PSMG2: variants seen among roughly 807,000 people sequenced by gnomAD.
The protein encoded by PSMG2 is proteasome assembly chaperone 2.
PSMG2 carries 21 observed loss-of-function variants against 31.5 expected under a neutral mutation model. The ratio of observed to expected loss-of-function variants is 0.67; its 90% CI spans 0.47 to 0.96. The LOEUF is 0.96. Among genes scored for constraint, PSMG2 ranks in the 40% least tolerant of loss-of-function variants. PSMG2 has a pLI of 0.00. For synonymous variants in PSMG2, 120 were observed against 110.4 expected (o/e 1.09, Z -0.54); for missense variants, 318 against 321.2 (o/e 0.99, Z 0.08).
chr18:12,670,761 C>G (rs1951526199), intron 1 of PSMG2: 1 of 151,784 alleles, frequency 6.6e-6, no homozygotes. Flanking sequence ...GATTCACCCA[C>G]CTCAGCCTCC....
chr18:12,685,010 CTCT>C (rs1261590168), intron 1 of PSMG2: 1 of 151,072 alleles, frequency 6.6e-6, no homozygotes, highest in Non-Finnish European at 1.5e-5. Flanking sequence ...CTGCCATTTT[CTCT>C]TTTTTTTTTA....
chr18:12,711,215 T>C (rs1417415441), intron 2 of PSMG2, among the ~76,000 whole-genome samples: 5 of 151,904 alleles, frequency 3.3e-5, no homozygotes, highest in African/African-American at 1.2e-4. Context: ...GAAGTTGGAG[T>C]GAGCCGATAT....
chr18:12,715,630 TGA>T (rs2040369370), intron 3 of PSMG2, among the ~76,000 whole-genome samples: 1 of 151,938 alleles, frequency 6.6e-6, no homozygotes, highest in Admixed American at 6.6e-5. Context: ...CTCAGCCTCC[TGA>T]GTAACTGGGA....
At chr18:12,678,479 A>C in intron 1 of PSMG2, 1 of 1,406,550 alleles carries the variant, frequency 7.1e-7, no homozygotes, top group East Asian at 2.5e-5. Flanking sequence ...TGAGAACTTA[A>C]AAATTAAAAA....
At chr18:12,702,493 A>T, upstream of PSMG2, 1 of 1,608,894 alleles carries the variant, frequency 6.2e-7, no homozygotes, top group Non-Finnish European at 8.5e-7. Flanking sequence ...CACCTTGCTC[A>T]GCTGCTGGTG....
At chr18:12,688,865 A>G (rs768068610) in intron 1 of PSMG2, among the ~76,000 whole-genome samples, 2 of 152,188 alleles carry the variant, frequency 1.3e-5, no homozygotes, top group Non-Finnish European at 2.9e-5. Context: ...CTATGATCCC[A>G]GCACTTTGGG....
upstream of PSMG2, among the ~76,000 whole-genome samples, chr18:12,701,988 G>A (rs1274625890): frequency 6.6e-6 from 1 of 152,110 alleles, no homozygotes; most frequent in East Asian, 1.9e-4. Flanking sequence ...TTAGCCGAGC[G>A]TGGTGGCGCG....
Position 12,718,021 on chromosome 18 carries a change from T to C in PSMG2, c.289-496T>C, listed in dbSNP as rs1487962994. ...TTTCTTTTTCTTTTTTCTTTTTTTT[T>C]TTTTTTTGAGAAAGTTTCACTCGGT... On this transcript the variant is annotated intron_variant, in intron 3 of 6. Transcript: ENST00000317615. Among the ~76,000 whole-genome samples the C allele has an allele frequency of 2.0e-5, 3 of 150,748 alleles. No homozygotes were observed. The East Asian group carries it at 5.8e-4, about 29-fold the overall frequency.
chr18:12,686,703 G>A, intron 1 of PSMG2: 1 of 308,172 alleles, frequency 3.2e-6, no homozygotes, highest in Non-Finnish European at 6.1e-6. Flanking sequence ...GCTCTGAGCT[G>A]TTTTACTCCA....
chr18:12,685,491 C>G (rs1012194676), intron 1 of PSMG2: 6 of 152,016 alleles, frequency 3.9e-5, no homozygotes, highest in Non-Finnish European at 8.8e-5. Context: ...AATAAAGATG[C>G]TGAGTTTTTT....
chr18:12,689,497 C>A (rs1424032046), intron 1 of PSMG2, among the ~76,000 whole-genome samples: 3 of 152,196 alleles, frequency 2.0e-5, no homozygotes, highest in Non-Finnish European at 4.4e-5. Context: ...GGCCACTTGA[C>A]AATCTTATAT....
At chr18:12,665,133 T>C (rs2038778209) in intron 1 of PSMG2, 1 of 152,232 alleles carries the variant, frequency 6.6e-6, no homozygotes, top group African/African-American at 2.4e-5. Context: ...CTCATTTCTC[T>C]TCCAAGGTGA....
chr18:12,696,955 A>C (rs1375588773), intron 1 of PSMG2, among the ~76,000 whole-genome samples: 1 of 152,208 alleles, frequency 6.6e-6, no homozygotes, highest in Non-Finnish European at 1.5e-5. Context: ...ATGAACTTGA[A>C]ATTAAAACCC....
intron 1 of PSMG2, among the ~76,000 whole-genome samples, chr18:12,677,227 T>G (rs1282165443): frequency 6.6e-6 from 1 of 151,908 alleles, no homozygotes; most frequent in Non-Finnish European, 1.5e-5. Context: ...CTGAGGCAGG[T>G]AGATCACTTC....
intron 1 of PSMG2, among the ~76,000 whole-genome samples, chr18:12,681,114 C>T (rs2145017796): frequency 6.6e-6 from 1 of 151,192 alleles, no homozygotes; most frequent in East Asian, 1.9e-4. Context: ...AAGAGAATCA[C>T]GTGAACTTGG....
chr18:12,697,500 C>T, intron 1 of PSMG2: 4 of 885,910 alleles, frequency 4.5e-6, no homozygotes, highest in Non-Finnish European at 3.3e-6. Context: ...AAATAATAAG[C>T]TTATATAAAA....
At chr18:12,691,305 A>G (rs1224485488) in intron 1 of PSMG2, 6 of 1,145,946 alleles carry the variant, frequency 5.2e-6, no homozygotes, top group Admixed American at 2.4e-5. Context: ...ATTTACACAC[A>G]TAACAGTAAA....
chr18:12,691,751 T>G (rs1268846145), intron 1 of PSMG2, among the ~76,000 whole-genome samples: 1 of 151,384 alleles, frequency 6.6e-6, no homozygotes, highest in Non-Finnish European at 1.5e-5. Context: ...AGTCTTGCTC[T>G]GTCGCCCAGG....
intron 4 of PSMG2, among the ~76,000 whole-genome samples, chr18:12,719,908 A>G (rs1224205098): frequency 6.7e-6 from 1 of 148,974 alleles, no homozygotes; most frequent in Non-Finnish European, 1.5e-5. Context: ...TGTTTTTAGT[A>G]GAGACAGGAT....
Sources: gnomAD v4.1 joint callset for allele counts (sites outside exome capture counted in the v4.1 genomes callset) on GRCh38, gnomAD v4.1.1 for gene constraint, MANE v1.5 for transcripts, NCBI Gene and HGNC (gene_info 2026-07-23, HGNC 2026-07-21) for gene names.